Variants in KIAA1671 observed in about 807,000 individuals in gnomAD.
The protein encoded by KIAA1671 is KIAA1671.
A neutral mutation model predicts 131.2 loss-of-function variants in KIAA1671; 52 were observed. The ratio of observed to expected loss-of-function variants is 0.40; its 90% CI spans 0.32 to 0.50. The LOEUF is 0.50. Ranked by LOEUF, KIAA1671 falls within the 20% of genes least tolerant of loss-of-function variation. The probability of loss-of-function intolerance (pLI) is 0.73; values close to 1 mark genes in which losing one functional copy is unlikely to be tolerated. For missense variants in KIAA1671, 2,360 were observed against 2,364.2 expected (o/e 1.00, Z 0.04); for synonymous variants, 1,003 against 961.6 (o/e 1.04, Z -0.80).
intron 1 of KIAA1671, among the ~76,000 whole-genome samples, chr22:24,973,521 A>C (rs2123817170): frequency 6.8e-6 from 1 of 147,336 alleles, no homozygotes; most frequent in African/African-American, 2.5e-5. Flanking sequence ...CAGCCTCCCA[A>C]GTAGCTGGGA....
Position 25,029,410 on chromosome 22 carries a change from G to A in KIAA1671, c.1411G>A (p.Glu471Lys). Reference protein sequence around the residue: ...ATPASPSAAPEPEKGVVSVQE... With the variant: ...ATPASPSAAPKPEKGVVSVQE... The stretch of plus-strand genomic sequence containing the variant: ...CCCTGCGTCCCCATCGGCGGCACCA[G>A]AGCCGGAGAAAGGGGTTGTGAGCGT... The change falls in exon 3 of 13, where the codon GAG (glutamate) becomes AAG (lysine). Residue 471 changes from glutamate (E) to lysine (K), a missense_variant. By Grantham distance (56) the Glu-to-Lys change is moderately conservative. Coordinates refer to ENST00000358431, the MANE Select transcript of KIAA1671 (RefSeq NM_001145206.2). 1 of 1,551,442 alleles carries A rather than the reference G, an allele frequency of 6.4e-7. No homozygotes were observed. Among genetic ancestry groups the A allele is most frequent in the Non-Finnish European group, 8.7e-7 (1 of 1,146,860 alleles).
chr22:25,194,861 T>G lies in KIAA1671; in HGVS notation c.*2460T>G, dbSNP rs1934775532. The G allele has an allele frequency of 6.6e-6, 1 of 152,132 alleles. No individual in the cohort carries two copies. Among genetic ancestry groups the G allele is most frequent in the South Asian group, 2.1e-4 (1 of 4,818 alleles). The allele number at this position is 152,132 out of a possible 1,614,324, so 9.4% of individuals were successfully genotyped here. On this transcript the variant is annotated 3_prime_UTR_variant, in exon 13 of 13. Transcript: ENST00000358431. ...CCTGCTTATGATCAGTGCAATGAAG[T>G]TAGAAGTAACTGATGATTGGGAGCC...
Position 25,039,577 on chromosome 22 carries a change from A to G in KIAA1671, c.2447A>G (p.Asn816Ser). The G allele has an allele frequency of 6.4e-7, 1 of 1,551,740 alleles. No homozygotes were observed. The highest frequency in any genetic ancestry group is 8.7e-7 in the Non-Finnish European group (1 of 1,146,986). ...GCTAGTGGACCGAAGTTTGGGGGCA[A>G]TTGCCCGTTTCCCAAATGGACAGGC... ...PEASGPKFGG[N>S]CPFPKWTGGA... The change falls in exon 5 of 13, where the codon AAT (asparagine) becomes AGT (serine). Residue 816 changes from asparagine (N) to serine (S), a missense_variant. Physicochemically the swap from Asn to Ser is conservative, Grantham distance 46 (BLOSUM62 1). This residue lies in a region of KIAA1671 where 1,185 missense variants were observed against 1,126.2 expected (regional missense o/e 1.05). Transcript: ENST00000358431.
intron 6 of KIAA1671, among the ~76,000 whole-genome samples, chr22:25,156,958 C>T (rs1484826476): frequency 6.6e-6 from 1 of 152,202 alleles, no homozygotes; most frequent in Non-Finnish European, 1.5e-5. Context: ...GCAGTTCTGT[C>T]ACCTGACAAG....
chr22:25,018,635 T>C lies in KIAA1671; in HGVS notation c.-207-6998T>C, dbSNP rs117953846. Reference sequence around the variant, plus strand: ...GAATTTGCCTATTCTAAACACCTCATGTAAATGAAATTATGCATACAGTAT... The same window carrying C: ...GAATTTGCCTATTCTAAACACCTCACGTAAATGAAATTATGCATACAGTAT... On this transcript the variant is annotated intron_variant, in intron 1 of 12. Transcript: ENST00000358431. 5.2e-3 allele frequency among the ~76,000 whole-genome samples: 798 copies of C among 152,342 alleles called. 2 individuals are homozygous for C. The highest frequency in any genetic ancestry group is 9.1e-3 in the Non-Finnish European group (617 of 68,032).
chr22:25,099,114 A>T (rs1282004390), intron 6 of KIAA1671, among the ~76,000 whole-genome samples: 1 of 152,224 alleles, frequency 6.6e-6, no homozygotes. Flanking sequence ...TCCAAGTCAG[A>T]CTTTGCCACT....
intron 1 of KIAA1671, among the ~76,000 whole-genome samples, chr22:25,020,650 G>C (rs931278381): frequency 6.6e-6 from 1 of 152,136 alleles, no homozygotes; most frequent in African/African-American, 2.4e-5. Flanking sequence ...CAGCACAGAG[G>C]AGCACCTGAA....
intron 6 of KIAA1671, among the ~76,000 whole-genome samples, chr22:25,085,204 A>G (rs1929640458): frequency 6.6e-6 from 1 of 152,198 alleles, no homozygotes; most frequent in Non-Finnish European, 1.5e-5. Flanking sequence ...CAGGGACTTC[A>G]TGTGGACGCT....
At chr22:24,960,679 T>C (rs1921974280) in intron 1 of KIAA1671, among the ~76,000 whole-genome samples, 1 of 127,070 alleles carries the variant, frequency 7.9e-6, no homozygotes, top group South Asian at 2.8e-4. Flanking sequence ...TTTTTTTTGC[T>C]ATGACCGAGT....
At chr22:25,049,078 T>C in intron 5 of KIAA1671, 152 bp from the exon 6 acceptor site, 1 of 941,346 alleles carries the variant, frequency 1.1e-6, no homozygotes, top group Non-Finnish European at 1.5e-6. Flanking sequence ...CCGCCCTACA[T>C]GTTACCTCTG....
intron 6 of KIAA1671, among the ~76,000 whole-genome samples, chr22:25,160,897 G>A (rs1933422178): frequency 6.6e-6 from 1 of 152,200 alleles, no homozygotes; most frequent in Admixed American, 6.5e-5. Context: ...GGTCTGCCCG[G>A]AAGCCCATCA....
chr22:25,002,819 AC>A (rs755572070), intron 1 of KIAA1671, among the ~76,000 whole-genome samples: 9 of 151,422 alleles, frequency 5.9e-5, no homozygotes, highest in Non-Finnish European at 1.2e-4. Flanking sequence ...TCACTCTGTT[AC>A]CCAGGCTGGA....
intron 4 of KIAA1671, among the ~76,000 whole-genome samples, chr22:25,038,479 T>C (rs1405744675): frequency 6.6e-6 from 1 of 152,302 alleles, no homozygotes; most frequent in African/African-American, 2.4e-5. Flanking sequence ...GTGGACAAAG[T>C]CCTGGGAGGA....
rs114934085 is a variant in KIAA1671 at position 25,068,058 on chromosome 22, T to G, written c.4530+18694T>G. Among the ~76,000 whole-genome samples the G allele has an allele frequency of 5.7e-3, 867 of 152,382 alleles. 13 individuals carry two copies. Among genetic ancestry groups the G allele is most frequent in the African/African-American group, 0.02 (841 of 41,604 alleles). On this transcript the variant is annotated intron_variant, in intron 6 of 12. Coordinates refer to ENST00000358431, the MANE Select transcript of KIAA1671 (RefSeq NM_001145206.2). Reference sequence around the variant, plus strand: ...TTTGTCGGTCAGCAGGACCCAGTGCTCTGGCTATGCTGTCAGCTGGGGCTG... The same window carrying G: ...TTTGTCGGTCAGCAGGACCCAGTGCGCTGGCTATGCTGTCAGCTGGGGCTG...
intron 6 of KIAA1671, among the ~76,000 whole-genome samples, chr22:25,141,939 C>T (rs1478169655): frequency 6.6e-6 from 1 of 152,182 alleles, no homozygotes; most frequent in Non-Finnish European, 1.5e-5. Context: ...CTGTCCATGT[C>T]TCAAGTTTCC....
chr22:24,967,360 G>T (rs1752628088), intron 1 of KIAA1671, among the ~76,000 whole-genome samples: 1 of 152,204 alleles, frequency 6.6e-6, no homozygotes, highest in African/African-American at 2.4e-5. Context: ...TAAGCTTGGG[G>T]TAAGAGGCTG....
In KIAA1671 at chr22:25,070,089, G is replaced by A. The variant is rs149972489; in HGVS notation, c.4530+20725G>A. ...GGAGGGTGAGGGTCCAGGCAGCTGG[G>A]TTCAGAAGGATCCACCCCTGGACCC... is the stretch of plus-strand genomic sequence containing the variant. On this transcript the variant is annotated intron_variant, in intron 6 of 12. Coordinates refer to ENST00000358431, the MANE Select transcript of KIAA1671 (RefSeq NM_001145206.2). 6.4e-3 allele frequency: 2,179 copies of A among 341,464 alleles called. 15 individuals carry two copies. Among genetic ancestry groups the A allele is most frequent in the Middle Eastern group, 0.031 (41 of 1,328 alleles). The allele number at this position is 341,464 out of a possible 1,614,324, so 21.2% of individuals were successfully genotyped here. A position where few individuals can be genotyped will look rare whatever the true frequency, so the allele number is the denominator to read the frequency against.
intron 8 of KIAA1671, chr22:25,175,442 G>A (rs1933989116): frequency 6.6e-6 from 1 of 152,172 alleles, no homozygotes; most frequent in Non-Finnish European, 1.5e-5. Flanking sequence ...TATGGCCAAG[G>A]TCTCTCGCTG....
chr22:25,118,340 C>T (rs1229093346), intron 6 of KIAA1671, among the ~76,000 whole-genome samples: 1 of 152,004 alleles, frequency 6.6e-6, no homozygotes, highest in Non-Finnish European at 1.5e-5. Context: ...CTGGTAAGGA[C>T]ACTTGTCCCT....
Sources: allele counts gnomAD v4.1 joint callset (sites outside exome capture counted in the v4.1 genomes callset), GRCh38; gene constraint gnomAD v4.1.1; regional missense constraint gnomAD v4.1.1; transcripts MANE v1.5; gene names NCBI Gene and HGNC (gene_info 2026-07-23, HGNC 2026-07-21).